The following SOX5 variants were observed in gnomAD, a reference collection of about 807,000 sequenced individuals.
The protein encoded by SOX5 is transcription factor SOX-5.
SOX5 carries 9 observed loss-of-function variants against 92.0 expected under a neutral mutation model. The observed-to-expected ratio is 0.10, with a 90% CI of 0.06 to 0.17. The LOEUF (loss-of-function observed/expected upper bound fraction) is 0.17, where lower values mean the gene tolerates loss of function less well. Among genes scored for constraint, SOX5 ranks in the 10% least tolerant of loss-of-function variants. The pLI is 1.00. For synonymous variants in SOX5, 344 were observed against 336.3 expected (o/e 1.02, Z -0.25); for missense variants, 642 against 944.5 (o/e 0.68, Z 4.20).
At chr12:24,468,981 T>C (rs1222512013) in intron 1 of SOX5, among the ~76,000 whole-genome samples, 3 of 152,312 alleles carry the variant, frequency 2.0e-5, no homozygotes, top group Non-Finnish European at 2.9e-5. Context: ...TTCAAGAGCA[T>C]TACAATTATG....
chr12:23,766,878 TG>T (rs1429094194), intron 3 of SOX5, among the ~76,000 whole-genome samples: 2 of 152,280 alleles, frequency 1.3e-5, no homozygotes, highest in East Asian at 1.9e-4. Flanking sequence ...TATTTACTGA[TG>T]TATTTTGATC....
At chr12:23,781,890 C>A (rs893318215) in intron 3 of SOX5, among the ~76,000 whole-genome samples, 11 of 152,030 alleles carry the variant, frequency 7.2e-5, no homozygotes, top group African/African-American at 2.4e-4. Flanking sequence ...TATATAGAAA[C>A]AATGAGTCAT....
intron 11 of SOX5, among the ~76,000 whole-genome samples, chr12:23,552,044 C>T (rs538042568): frequency 6.6e-6 from 1 of 151,688 alleles, no homozygotes; most frequent in Non-Finnish European, 1.5e-5. Flanking sequence ...GAGTTTTGGT[C>T]CAGGTGAATA....
At chr12:23,580,873 A>C (rs992339804) in intron 9 of SOX5, among the ~76,000 whole-genome samples, 3 of 152,108 alleles carry the variant, frequency 2.0e-5, no homozygotes, top group Non-Finnish European at 2.9e-5. Context: ...TGCATAAAGA[A>C]TGTGAAACAA....
intron 1 of SOX5, among the ~76,000 whole-genome samples, chr12:23,936,020 G>C (rs1452346161): frequency 6.6e-6 from 1 of 150,814 alleles, no homozygotes; most frequent in Non-Finnish European, 1.5e-5. Flanking sequence ...TGTGAAATGA[G>C]GTAAAAAAAT....
intron 1 of SOX5, among the ~76,000 whole-genome samples, chr12:24,561,258 C>T (rs936708686): frequency 6.6e-6 from 1 of 152,196 alleles, no homozygotes; most frequent in Non-Finnish European, 1.5e-5. Context: ...TCGTCTTGAC[C>T]TGCTTTAGCT....
intron 1 of SOX5, among the ~76,000 whole-genome samples, chr12:24,498,104 G>C (rs775683583): frequency 4.6e-5 from 7 of 151,946 alleles, no homozygotes; most frequent in African/African-American, 7.3e-5. Context: ...AATGGATGCT[G>C]GGCTTAATAC....
intron 4 of SOX5, among the ~76,000 whole-genome samples, chr12:24,104,965 A>G (rs201515576): frequency 2.0e-5 from 3 of 152,184 alleles, no homozygotes; most frequent in Non-Finnish European, 4.4e-5. Flanking sequence ...TATTCAGATC[A>G]TTACTTTGGA....
At chr12:23,944,680 AATG>A in intron 1 of SOX5, among the ~76,000 whole-genome samples, 1 of 152,292 alleles carries the variant, frequency 6.6e-6, no homozygotes, top group South Asian at 2.1e-4. Context: ...ATTTAATACA[AATG>A]ATGATGCTAT....
intron 2 of SOX5, among the ~76,000 whole-genome samples, chr12:24,318,634 T>C (rs1225135660): frequency 6.6e-6 from 1 of 152,200 alleles, no homozygotes; most frequent in Non-Finnish European, 1.5e-5. Flanking sequence ...ATTATATATT[T>C]AAATGCCACA....
chr12:24,283,174 G>T (rs1945422707), intron 2 of SOX5, among the ~76,000 whole-genome samples: 1 of 152,116 alleles, frequency 6.6e-6, no homozygotes, highest in Non-Finnish European at 1.5e-5. Context: ...TTCCTCAAAG[G>T]ATTAACAAGA....
chr12:24,121,104 T>A (rs1948566532), intron 4 of SOX5, among the ~76,000 whole-genome samples: 1 of 152,218 alleles, frequency 6.6e-6, no homozygotes, highest in African/African-American at 2.4e-5. Context: ...TTTCTCACTC[T>A]GGGGTTTAAA....
chr12:23,944,051 T>G (rs1271058390), intron 1 of SOX5: 1 of 152,124 alleles, frequency 6.6e-6, no homozygotes, highest in Non-Finnish European at 1.5e-5. Flanking sequence ...GTTTTGTTTG[T>G]TTTTTTAAAC....
At chr12:23,802,160 GC>G (rs2095670889) in intron 3 of SOX5, among the ~76,000 whole-genome samples, 1 of 151,938 alleles carries the variant, frequency 6.6e-6, no homozygotes, top group African/African-American at 2.4e-5. Flanking sequence ...TGCAAGCTCT[GC>G]CTCCCGGGTT....
At chr12:24,138,016 A>G (rs16915594) in intron 4 of SOX5, among the ~76,000 whole-genome samples, 6,078 of 152,354 alleles carry the variant, frequency 0.04, 340 homozygotes, top group African/African-American at 0.12. Context: ...ACTTGCGTAT[A>G]GTGGAATGTA....
intron 3 of SOX5, among the ~76,000 whole-genome samples, chr12:24,220,815 T>C (rs1166471542): frequency 6.6e-6 from 1 of 152,212 alleles, no homozygotes; most frequent in East Asian, 1.9e-4. Context: ...CAGTATTGAA[T>C]AACCAAACTC....
chr12:23,747,409 A>G (rs539125628), intron 4 of SOX5, among the ~76,000 whole-genome samples: 28 of 152,298 alleles, frequency 1.8e-4, no homozygotes, highest in African/African-American at 6.7e-4. Context: ...ATATGGCTGT[A>G]TAAAACTGTT....
chr12:24,502,098 T>G (rs1454553448), intron 1 of SOX5, among the ~76,000 whole-genome samples: 3 of 152,220 alleles, frequency 2.0e-5, no homozygotes. Flanking sequence ...CACGCCAACT[T>G]ATGTATTTAA....
chr12:24,421,393 C>G (rs1386198698), intron 1 of SOX5, among the ~76,000 whole-genome samples: 1 of 152,160 alleles, frequency 6.6e-6, no homozygotes, highest in African/African-American at 2.4e-5. Context: ...GTCACTAATT[C>G]ATTTGTTACT....
Sources: gnomAD v4.1 joint callset for allele counts (sites outside exome capture counted in the v4.1 genomes callset) on GRCh38, gnomAD v4.1.1 for gene constraint, MANE v1.5 for transcripts, NCBI Gene and HGNC (gene_info 2026-07-23, HGNC 2026-07-21) for gene names.